Variants in MYO3B observed in about 807,000 individuals in gnomAD.
The protein encoded by MYO3B is myosin-IIIb.
MYO3B carries 156 observed loss-of-function variants against 174.6 expected under a neutral mutation model. The observed-to-expected ratio is 0.89, with a 90% CI of 0.78 to 1.02. The LOEUF is 1.02. Among genes scored for constraint, MYO3B ranks in the 50% least tolerant of loss-of-function variants. MYO3B has a pLI of 0.00. For missense variants in MYO3B, 1,632 were observed against 1,639.4 expected, an observed-to-expected ratio of 1.00 and a Z score of 0.08; for synonymous variants, 563 against 569.1, an observed-to-expected ratio of 0.99 and a Z score of 0.15.
chr2:170,265,152 C>T (rs2093373659), intron 7 of MYO3B, among the ~76,000 whole-genome samples: 1 of 152,200 alleles, frequency 6.6e-6, no homozygotes, highest in African/African-American at 2.4e-5. Flanking sequence ...TACCTCCTGA[C>T]AGAGGGTTGT....
At chr2:170,222,046 A>C (rs1386758409) in intron 6 of MYO3B, among the ~76,000 whole-genome samples, 1 of 152,228 alleles carries the variant, frequency 6.6e-6, no homozygotes, top group Non-Finnish European at 1.5e-5. Context: ...ATAAGATCAG[A>C]GGTAGTTTGT....
intron 25 of MYO3B, among the ~76,000 whole-genome samples, chr2:170,473,828 CTCTCA>C (rs1685140300): frequency 6.6e-6 from 1 of 152,170 alleles, no homozygotes; most frequent in African/African-American, 2.4e-5. Flanking sequence ...AGCTTCTTCT[CTCTCA>C]TCTCCCCATC....
At chr2:170,375,245 G>A (rs1177025823) in intron 9 of MYO3B, among the ~76,000 whole-genome samples, 22 of 152,162 alleles carry the variant, frequency 1.4e-4, no homozygotes, top group Admixed American at 1.4e-3. Context: ...GTTCAGAGAA[G>A]TAGATTGAAA....
At chr2:170,562,661 G>C (rs1691790077) in intron 32 of MYO3B, among the ~76,000 whole-genome samples, 1 of 152,288 alleles carries the variant, frequency 6.6e-6, no homozygotes, top group East Asian at 1.9e-4. Context: ...TCAGTAATGA[G>C]GCTGTGCATT....
chr2:170,568,281 A>G (rs1005112046), intron 32 of MYO3B, among the ~76,000 whole-genome samples: 10 of 152,146 alleles, frequency 6.6e-5, no homozygotes, highest in Admixed American at 5.9e-4. Context: ...CCCAGATACT[A>G]TGCACAATGC....
At chr2:170,521,559 G>A (rs922687272) in intron 30 of MYO3B, among the ~76,000 whole-genome samples, 2 of 151,940 alleles carry the variant, frequency 1.3e-5, no homozygotes, top group African/African-American at 2.4e-5. Context: ...CCTTATCTTC[G>A]GCTGTCCTTC....
chr2:170,199,725 G>A (rs1009396416), intron 2 of MYO3B, among the ~76,000 whole-genome samples: 2 of 152,140 alleles, frequency 1.3e-5, no homozygotes, highest in African/African-American at 2.4e-5. Context: ...ATCTTACGCT[G>A]ACATCTTATT....
rs373975298 is a variant in MYO3B, at chr2:170,401,597, G to A, written c.2035G>A (p.Val679Ile). Residue 679 changes from valine to isoleucine, a missense_variant, in exon 18 of 35, where the codon GTT (valine) becomes ATT (isoleucine). Val to Ile is a conservative substitution (Grantham distance 29). Coordinates refer to ENST00000408978, the MANE Select transcript of MYO3B (RefSeq NM_138995.5). ...CAACACTGTAGACAGGGCTGCGGAC[G>A]TTCGAGACGCCATGTCCAAAGCCCT... ...RANTVDRAAD[V>I]RDAMSKALYG... The A allele has an allele frequency of 2.5e-5, 40 of 1,614,018 alleles. No individual in the cohort carries two copies. The South Asian group carries it at 2.9e-4, about 12-fold the overall frequency.
At chr2:170,473,438 G>A (rs1188559626) in intron 25 of MYO3B, among the ~76,000 whole-genome samples, 2 of 152,002 alleles carry the variant, frequency 1.3e-5, no homozygotes, top group East Asian at 1.9e-4. Flanking sequence ...GAGCCACTGC[G>A]CCCAGCCGTT....
chr2:170,324,843 AG>A (rs2093854118), intron 7 of MYO3B, among the ~76,000 whole-genome samples: 1 of 152,218 alleles, frequency 6.6e-6, no homozygotes, highest in African/African-American at 2.4e-5. Flanking sequence ...TTTGGCTCTC[AG>A]TGGCATTTGG....
chr2:170,473,139 C>CTTTTTTTTTTTTTTTTTTTTT (rs66837903), intron 25 of MYO3B, among the ~76,000 whole-genome samples: 4 of 96,458 alleles, frequency 4.1e-5, no homozygotes, highest in Admixed American at 1.2e-4. Context: ...TTTTTCTTTT[C>CTTTTTTTTTTTTTTTTTTTTT]TTTTTTTTTT....
intron 9 of MYO3B, among the ~76,000 whole-genome samples, chr2:170,376,767 A>G (rs2094296729): frequency 2.6e-5 from 4 of 152,210 alleles, no homozygotes; most frequent in Admixed American, 1.3e-4. Flanking sequence ...GACCTTCACA[A>G]TGGTGCTGAC....
At chr2:170,387,494 A>C (rs1438627) in intron 14 of MYO3B, among the ~76,000 whole-genome samples, 186 bp downstream of exon 14, 57,852 of 151,978 alleles carry the variant, frequency 0.38, 11,078 homozygotes, top group Non-Finnish European at 0.42. Context: ...GAAAGAGTAC[A>C]AAGGGCTGGG....
chr2:170,598,523 G>C (rs968423343), intron 32 of MYO3B, among the ~76,000 whole-genome samples: 9 of 152,178 alleles, frequency 5.9e-5, no homozygotes, highest in African/African-American at 2.2e-4. Flanking sequence ...ACACTTCATG[G>C]CCCTTGGGGA....
chr2:170,250,610 G>A (rs570035611), intron 7 of MYO3B, among the ~76,000 whole-genome samples: 11 of 152,336 alleles, frequency 7.2e-5, no homozygotes, highest in African/African-American at 1.9e-4. Context: ...GTGTTAACCA[G>A]CTCAGTAGAT....
At chr2:170,199,501 C>A in intron 2 of MYO3B, 110 bp downstream of exon 2, 1 of 856,640 alleles carries the variant, frequency 1.2e-6, no homozygotes, top group Non-Finnish European at 1.7e-6. Flanking sequence ...GGTATGAAAT[C>A]TCAAAATGGG....
chr2:170,484,918 A>G lies in MYO3B; in HGVS notation c.3015-13674A>G, dbSNP rs184576794. Among the ~76,000 whole-genome samples, 63 of 152,298 alleles carry G rather than the reference A, an allele frequency of 4.1e-4. 1 individual carries two copies. Among genetic ancestry groups the G allele is most frequent in the Admixed American group, 1.6e-3 (25 of 15,302 alleles). ...GGTAATTATCAGATTATCCAAGCCA[A>G]AATAGTTCTGCTACCTCCATTATCT... is the stretch of plus-strand genomic sequence containing the variant. On this transcript the variant is annotated intron_variant, in intron 25 of 34. Transcript: ENST00000408978.
chr2:170,635,724 A>G (rs1697408042), intron 32 of MYO3B, among the ~76,000 whole-genome samples: 1 of 152,186 alleles, frequency 6.6e-6, no homozygotes, highest in Non-Finnish European at 1.5e-5. Context: ...TCTGTGATCA[A>G]AAGAAATAAA....
At chr2:170,488,790 G>T (rs1390649335) in intron 25 of MYO3B, among the ~76,000 whole-genome samples, 1 of 152,180 alleles carries the variant, frequency 6.6e-6, no homozygotes, top group South Asian at 2.1e-4. Context: ...GGGATAACAG[G>T]ACTCTAATAA....
Sources: gnomAD v4.1 joint callset for allele counts (sites outside exome capture counted in the v4.1 genomes callset) on GRCh38, gnomAD v4.1.1 for gene constraint, MANE v1.5 for transcripts, NCBI Gene and HGNC (gene_info 2026-07-23, HGNC 2026-07-21) for gene names.